Variants in CPD observed in about 807,000 individuals in gnomAD.
CPD encodes metallocarboxypeptidase D.
In CPD, 69 loss-of-function variants were observed where a neutral mutation model predicts 138.3. That is an observed-to-expected ratio of 0.50 (90% CI 0.41 to 0.61). The LOEUF (loss-of-function observed/expected upper bound fraction) is 0.61, where lower values mean the gene tolerates loss of function less well. Among genes scored for constraint, CPD ranks in the 20% least tolerant of loss-of-function variants. The pLI is 0.00. For missense variants in CPD, 1,432 were observed against 1,733.3 expected, an observed-to-expected ratio of 0.83 and a Z score of 3.09; for synonymous variants, 651 against 642.1, an observed-to-expected ratio of 1.01 and a Z score of -0.21.
intron 2 of CPD, among the ~76,000 whole-genome samples, chr17:30,411,584 T>A (rs1911970071): frequency 1.3e-5 from 2 of 152,190 alleles, no homozygotes. Context: ...TCTAATCTTG[T>A]CTTCTCGTTT....
intron 2 of CPD, among the ~76,000 whole-genome samples, chr17:30,414,657 G>A (rs114794354): frequency 4.9e-4 from 74 of 152,246 alleles, no homozygotes; most frequent in African/African-American, 1.7e-3. Flanking sequence ...CACAGCAATG[G>A]ACATGAGGAT....
At chr17:30,426,410 C>G (rs928040124) in intron 6 of CPD, among the ~76,000 whole-genome samples, 2 of 152,108 alleles carry the variant, frequency 1.3e-5, no homozygotes, top group Non-Finnish European at 2.9e-5. Context: ...GGACAAGGGA[C>G]TAGAGAATGG....
intron 8 of CPD, among the ~76,000 whole-genome samples, chr17:30,432,646 C>G (rs999783509): frequency 1.3e-5 from 2 of 151,932 alleles, no homozygotes; most frequent in African/African-American, 2.4e-5. Context: ...GTGGCTCATG[C>G]CTGAAATCGT....
intron 2 of CPD, among the ~76,000 whole-genome samples, chr17:30,408,199 G>A (rs989075490): frequency 1.3e-5 from 2 of 152,100 alleles, no homozygotes; most frequent in African/African-American, 4.8e-5. Context: ...ATGCTATTTT[G>A]GTGACTGTAG....
chr17:30,429,242 C>A (rs1912501701), intron 7 of CPD, among the ~76,000 whole-genome samples: 1 of 152,102 alleles, frequency 6.6e-6, no homozygotes, highest in South Asian at 2.1e-4. Context: ...TGATAAAATT[C>A]ACTTATTTAG....
chr17:30,433,644 G>A (rs1791614470), intron 8 of CPD, among the ~76,000 whole-genome samples: 2 of 152,162 alleles, frequency 1.3e-5, no homozygotes, highest in Admixed American at 6.6e-5. Flanking sequence ...TCCAACTTCA[G>A]CTGAACCCTC....
At chr17:30,410,228 G>A (rs1911925381) in intron 2 of CPD, among the ~76,000 whole-genome samples, 1 of 152,254 alleles carries the variant, frequency 6.6e-6, no homozygotes, top group East Asian at 1.9e-4. Context: ...GAGACAGTTT[G>A]TTGTGATTTC....
At chr17:30,391,036 G>A (rs1911342261) in intron 2 of CPD, among the ~76,000 whole-genome samples, 1 of 151,534 alleles carries the variant, frequency 6.6e-6, no homozygotes, top group Admixed American at 6.6e-5. Flanking sequence ...TACCATGTTG[G>A]TCAAGCTGGT....
At chr17:30,450,852 T>G (rs976622733) in intron 13 of CPD, among the ~76,000 whole-genome samples, 1 of 151,698 alleles carries the variant, frequency 6.6e-6, no homozygotes, top group African/African-American at 2.4e-5. Context: ...GGCTGGAATC[T>G]CAAAAACAAA....
chr17:30,422,717 C>T lies in CPD; in HGVS notation c.1351C>T (p.Pro451Ser). The T allele has an allele frequency of 6.2e-7, 1 of 1,613,486 alleles. No homozygotes were observed. The highest frequency in any genetic ancestry group is 8.5e-7 in the Non-Finnish European group (1 of 1,179,746). The change falls in exon 5 of 21, where the codon CCA (proline) becomes TCA (serine). Residue 451 changes from proline to serine, a missense_variant. This residue lies in a region of CPD where 160 missense variants were observed against 197.9 expected (regional missense o/e 0.81). Coordinates refer to ENST00000225719, the MANE Select transcript of CPD (RefSeq NM_001304.5). ...TVTNVVVKEGPATEVDFSLRP... is the reference protein window; with the variant it reads ...TVTNVVVKEGSATEVDFSLRP... Reference sequence around the variant, plus strand: ...TACTAATGTAGTGGTGAAAGAAGGACCAGCCACAGAGGTGGATTTTTCTCT... The same window carrying T: ...TACTAATGTAGTGGTGAAAGAAGGATCAGCCACAGAGGTGGATTTTTCTCT...
rs747499990 is a variant in CPD at position 30,464,796 on chromosome 17, A to G, written c.4125A>G (p.Leu1375=). ...QDETDTEEET[L]YSSKH is the part of the protein sequence containing the mutation. ...AAACAGACACTGAAGAGGAAACATT[A>G]TATTCTAGCAAACATTGAAAAACAC... Residue 1375 remains leucine (L), a synonymous_variant, in exon 21 of 21, where the codon TTA becomes TTG. Coordinates refer to ENST00000225719, the MANE Select transcript of CPD (RefSeq NM_001304.5). 17 of 1,613,750 alleles carry G rather than the reference A, an allele frequency of 1.1e-5. No individual in the cohort carries two copies. Among genetic ancestry groups the G allele is most frequent in the Non-Finnish European group, 1.4e-5 (17 of 1,179,724 alleles).
At chr17:30,399,214 C>A (rs1911587043) in intron 2 of CPD, among the ~76,000 whole-genome samples, 1 of 152,080 alleles carries the variant, frequency 6.6e-6, no homozygotes. Flanking sequence ...AAACTTAAAT[C>A]ATACAAAGTT....
chr17:30,411,942 C>G (rs1461907666), intron 2 of CPD, among the ~76,000 whole-genome samples: 1 of 152,100 alleles, frequency 6.6e-6, no homozygotes, highest in Non-Finnish European at 1.5e-5. Context: ...AAGAGGCGCT[C>G]TGGTTTTTGG....
chr17:30,426,072 C>A (rs1475963889), intron 6 of CPD, among the ~76,000 whole-genome samples: 1 of 151,934 alleles, frequency 6.6e-6, no homozygotes, highest in Non-Finnish European at 1.5e-5. Context: ...TGGTGGCGCA[C>A]ACCTGTAATC....
chr17:30,395,191 G>A lies in CPD; in HGVS notation c.994+9955G>A, dbSNP rs530021980. ...AGAACATATATATAAATGAACAGAT[G>A]GGTGCTTTTTTTTTTTTTTTTTTTT... On this transcript the variant is annotated intron_variant, in intron 2 of 20. Coordinates refer to ENST00000225719, the MANE Select transcript of CPD (RefSeq NM_001304.5). Among the ~76,000 whole-genome samples, 17 of 147,820 alleles carry A rather than the reference G, an allele frequency of 1.2e-4. No homozygotes were observed. The South Asian group carries it at 2.8e-3, about 24-fold the overall frequency.
chr17:30,421,676 G>C lies in CPD; in HGVS notation c.1150G>C (p.Val384Leu), dbSNP rs767772875. Residue 384 changes from valine (V) to leucine (L), a missense_variant, in exon 4 of 21, where the codon GTG (valine) becomes CTG (leucine). This residue lies in a region of CPD where 160 missense variants were observed against 197.9 expected (regional missense o/e 0.81). Coordinates refer to ENST00000225719, the MANE Select transcript of CPD (RefSeq NM_001304.5). Reference sequence around the variant, plus strand: ...CTTGTCTTCTTAGGTTCACATTGGAGTGAAAGGATTTGTTAAAGATTCCAT... The same window carrying C: ...CTTGTCTTCTTAGGTTCACATTGGACTGAAAGGATTTGTTAAAGATTCCAT... ...ITLIEKVHIG[V>L]KGFVKDSITG... The C allele has an allele frequency of 5.7e-5, 92 of 1,613,532 alleles. No individual in the cohort carries two copies. Among genetic ancestry groups the C allele is most frequent in the South Asian group, 4.2e-4 (38 of 91,010 alleles).
intron 10 of CPD, among the ~76,000 whole-genome samples, chr17:30,443,339 T>C (rs547208927): frequency 6.6e-6 from 1 of 152,290 alleles, no homozygotes; most frequent in South Asian, 2.1e-4. Context: ...TACCTAATAC[T>C]TAGTTTATAT....
At chr17:30,394,781 A>G (rs1196918004) in intron 2 of CPD, among the ~76,000 whole-genome samples, 1 of 152,204 alleles carries the variant, frequency 6.6e-6, no homozygotes, top group African/African-American at 2.4e-5. Context: ...CAGAATGTCA[A>G]AGAGAGGATG....
chr17:30,417,010 G>A (rs532456724), intron 2 of CPD, among the ~76,000 whole-genome samples: 40 of 151,808 alleles, frequency 2.6e-4, no homozygotes, highest in African/African-American at 8.9e-4. Context: ...GTTGAGGCAG[G>A]AGAATTGCTT....
Sources: allele counts gnomAD v4.1 joint callset (sites outside exome capture counted in the v4.1 genomes callset), GRCh38; gene constraint gnomAD v4.1.1; regional missense constraint gnomAD v4.1.1; transcripts MANE v1.5; gene names NCBI Gene and HGNC (gene_info 2026-07-23, HGNC 2026-07-21).